WWC1: variants seen among roughly 807,000 people sequenced by gnomAD.
WWC1 encodes the protein protein KIBRA.
In WWC1, 55 loss-of-function variants were observed where a neutral mutation model predicts 138.4. The observed-to-expected ratio is 0.40, with a 90% CI of 0.32 to 0.50. WWC1 has a LOEUF of 0.50. WWC1 is among the 20% of genes least tolerant of loss of function. The pLI is 0.72. For missense variants in WWC1, 1,226 were observed against 1,420.4 expected (o/e 0.86, Z 2.20); for synonymous variants, 524 against 564.9 (o/e 0.93, Z 1.03).
chr5:168,366,459 A>G (rs1244565179), intron 1 of WWC1, among the ~76,000 whole-genome samples: 1 of 152,142 alleles, frequency 6.6e-6, no homozygotes, highest in Non-Finnish European at 1.5e-5. Flanking sequence ...GAGAATATCA[A>G]ACCCAAAGTG....
intron 4 of WWC1, among the ~76,000 whole-genome samples, chr5:168,398,424 A>G (rs1276272647): frequency 6.6e-6 from 1 of 152,234 alleles, no homozygotes; most frequent in Non-Finnish European, 1.5e-5. Flanking sequence ...AAAGATGAGC[A>G]AACAGAGGCT....
intron 15 of WWC1, among the ~76,000 whole-genome samples, 163 bp from the exon 16 acceptor site, chr5:168,441,519 G>T (rs984875540): frequency 3.0e-4 from 45 of 152,130 alleles, no homozygotes; most frequent in Admixed American, 2.9e-3. Context: ...ATGAACAAAT[G>T]AGCTAATTGG....
At chr5:168,302,652 T>C (rs1021855925) in intron 1 of WWC1, among the ~76,000 whole-genome samples, 1 of 152,192 alleles carries the variant, frequency 6.6e-6, no homozygotes, top group Non-Finnish European at 1.5e-5. Context: ...TAGAATTTAC[T>C]ACAAATTAGT....
chr5:168,318,616 A>G (rs1164152136), intron 1 of WWC1, among the ~76,000 whole-genome samples: 1 of 150,584 alleles, frequency 6.6e-6, no homozygotes. Flanking sequence ...CTGGAGTTCA[A>G]TGGCGTGGTC....
At chr5:168,468,476 C>T (rs1757482938) in intron 22 of WWC1, among the ~76,000 whole-genome samples, 1 of 151,010 alleles carries the variant, frequency 6.6e-6, no homozygotes, top group South Asian at 2.1e-4. Flanking sequence ...AAACAAGGTA[C>T]ACATGTTTGT....
chr5:168,456,710 T>TC (rs1434531678), intron 19 of WWC1, among the ~76,000 whole-genome samples: 5 of 151,638 alleles, frequency 3.3e-5, no homozygotes, highest in African/African-American at 1.2e-4. Flanking sequence ...TTTTTTTTTT[T>TC]TTGTAAAATT....
At chr5:168,371,327 AG>A in intron 1 of WWC1, 96 bp from the exon 2 acceptor site, 1 of 826,608 alleles carries the variant, frequency 1.2e-6, no homozygotes, top group Non-Finnish European at 2.0e-6. Context: ...GGATCTGTTG[AG>A]CCAGCCCAGA....
intron 17 of WWC1, 69 bp downstream of exon 17, chr5:168,444,654 C>A: frequency 1.3e-6 from 2 of 1,532,210 alleles, no homozygotes; most frequent in Non-Finnish European, 9.0e-7. Context: ...TGAGATCCCC[C>A]AATGCCAGTG....
chr5:168,423,272 G>GCT (rs1781262940), intron 10 of WWC1, among the ~76,000 whole-genome samples: 1 of 151,844 alleles, frequency 6.6e-6, no homozygotes, highest in Non-Finnish European at 1.5e-5. Flanking sequence ...GCCAATTGGA[G>GCT]CTTTGGGAAA....
chr5:168,440,510 G>A (rs1270038171), intron 15 of WWC1, among the ~76,000 whole-genome samples: 1 of 151,852 alleles, frequency 6.6e-6, no homozygotes, highest in Non-Finnish European at 1.5e-5. Context: ...TGTTGTTGTT[G>A]TTGTTTTGTT....
At chr5:168,351,888 G>C (rs1363245571) in intron 1 of WWC1, among the ~76,000 whole-genome samples, 1 of 152,158 alleles carries the variant, frequency 6.6e-6, no homozygotes, top group Non-Finnish European at 1.5e-5. Flanking sequence ...GTCTGCCTAG[G>C]GACTGGCTGC....
rs745326492 is a variant in WWC1 at position 168,385,396 on chromosome 5, C to G, written c.415C>G (p.Leu139Val). Residue 139 changes from leucine to valine, a missense_variant, in exon 3 of 23, where the codon CTG becomes GTG. This residue lies in a region of WWC1 where 1,016 missense variants were observed against 1,153.9 expected (regional missense o/e 0.88). Transcript: ENST00000265293. ...ACTGCATGCCGTCTGGGAGCATAAG[C>G]TGGGCTCCCAGGTCAGCTGTGAGTA... ...QQLHAVWEHK[L>V]GSQVSLVSGS... The G allele has an allele frequency of 2.0e-5, 32 of 1,613,838 alleles. No individual in the cohort carries two copies. Among genetic ancestry groups the G allele is most frequent in the Non-Finnish European group, 2.6e-5 (31 of 1,179,960 alleles).
At chr5:168,346,435 A>C (rs1774481882) in intron 1 of WWC1, among the ~76,000 whole-genome samples, 2 of 152,160 alleles carry the variant, frequency 1.3e-5, no homozygotes, top group African/African-American at 4.8e-5. Context: ...GCAAGACCCT[A>C]AGACCCTCAA....
At chr5:168,350,930 G>A (rs1283251393) in intron 1 of WWC1, among the ~76,000 whole-genome samples, 1 of 152,100 alleles carries the variant, frequency 6.6e-6, no homozygotes, top group African/African-American at 2.4e-5. Context: ...CGGATCATTT[G>A]AGGTCAGGAG....
rs559277397 is a variant in WWC1, at chr5:168,365,211, G to C, written c.120-6213G>C. Among the ~76,000 whole-genome samples the C allele has an allele frequency of 1.2e-4, 19 of 152,308 alleles. No individual in the cohort carries two copies. In the South Asian group the frequency reaches 3.9e-3, roughly 32 times the overall value. ...CCTTAGCTATGGGAACTATGCGTGT[G>C]AAACAGCCCAGGGCGGGAAGAACCA... On this transcript the variant is annotated intron_variant, in intron 1 of 22. Transcript: ENST00000265293.
chr5:168,459,254 C>CAAAAAAAAAA (rs34453947), intron 19 of WWC1, among the ~76,000 whole-genome samples: 2 of 94,820 alleles, frequency 2.1e-5, no homozygotes, highest in Non-Finnish European at 4.0e-5. Flanking sequence ...AACCCTGTCT[C>CAAAAAAAAAA]AAAAAAAAAA....
At chr5:168,319,551 G>A (rs1400731451) in intron 1 of WWC1, among the ~76,000 whole-genome samples, 3 of 152,182 alleles carry the variant, frequency 2.0e-5, no homozygotes, top group Non-Finnish European at 4.4e-5. Context: ...TCTCAGGCTG[G>A]AGTGCAGTGG....
At position 168,303,664 on chromosome 5, in the gene WWC1, G is replaced by A. The variant is rs139755825; in HGVS notation, c.119+11393G>A. 4.1e-3 allele frequency among the ~76,000 whole-genome samples: 631 copies of A among 152,198 alleles called. 6 individuals carry two copies. The highest frequency in any genetic ancestry group is 0.014 in the African/African-American group (575 of 41,522). ...CAATCTAAGGGGATTCCAGAAGACC[G>A]AAGGGACTTCTCTTTCATTAGAATG... On this transcript the variant is annotated intron_variant, in intron 1 of 22. Transcript: ENST00000265293.
chr5:168,444,861 C>CT (rs1554114134), intron 17 of WWC1, among the ~76,000 whole-genome samples: 1 of 62,326 alleles, frequency 1.6e-5, no homozygotes, highest in Non-Finnish European at 2.7e-5. Flanking sequence ...ATTTATTTTG[C>CT]TAAAAAAAAA....
Sources: allele counts gnomAD v4.1 joint callset (sites outside exome capture counted in the v4.1 genomes callset), GRCh38; gene constraint gnomAD v4.1.1; regional missense constraint gnomAD v4.1.1; transcripts MANE v1.5; gene names NCBI Gene and HGNC (gene_info 2026-07-23, HGNC 2026-07-21).